Variants in CNIH3 observed in about 807,000 individuals in gnomAD.
The protein encoded by CNIH3 is cornichon family AMPA receptor auxiliary protein 3, also known as protein cornichon homolog 3.
In CNIH3, 14 loss-of-function variants were observed where a neutral mutation model predicts 24.1. That is an observed-to-expected ratio of 0.58 (90% CI 0.38 to 0.91). CNIH3 has a LOEUF of 0.91. Ranked by LOEUF, CNIH3 falls within the 40% of genes least tolerant of loss-of-function variation. CNIH3 has a pLI of 0.00. For synonymous variants in CNIH3, 68 were observed against 73.8 expected (o/e 0.92, Z 0.40); for missense variants, 178 against 196.8 (o/e 0.90, Z 0.57).
At chr1:224,663,601 A>G (rs1685463184) in intron 1 of CNIH3, among the ~76,000 whole-genome samples, 1 of 152,234 alleles carries the variant, frequency 6.6e-6, no homozygotes, top group Non-Finnish European at 1.5e-5. Context: ...AACAAGCCCC[A>G]AGAGTGTCCA....
At chr1:224,496,355 C>A (rs927694884) in intron 1 of CNIH3, among the ~76,000 whole-genome samples, 3 of 152,174 alleles carry the variant, frequency 2.0e-5, no homozygotes, top group African/African-American at 7.2e-5. Flanking sequence ...CAACTCCAGT[C>A]CATTCAGCTC....
chr1:224,476,931 G>T (rs549862566), intron 1 of CNIH3, among the ~76,000 whole-genome samples: 1 of 152,286 alleles, frequency 6.6e-6, no homozygotes, highest in East Asian at 1.9e-4. Context: ...GAGATGCGAG[G>T]TACAGGTTGC....
intron 5 of CNIH3, 147 bp from the exon 6 acceptor site, chr1:224,739,182 G>C: frequency 1.4e-6 from 2 of 1,413,160 alleles, no homozygotes; most frequent in Non-Finnish European, 9.4e-7. Flanking sequence ...TGGAGTTGGC[G>C]AGATGCTGTA....
chr1:224,685,931 CAT>C (rs1686632927), intron 3 of CNIH3, among the ~76,000 whole-genome samples: 3 of 151,822 alleles, frequency 2.0e-5, no homozygotes, highest in African/African-American at 2.4e-5. Context: ...AGGAAAATAA[CAT>C]AATATGAATT....
In CNIH3 at chr1:224,458,686, G is replaced by GT. The variant is rs1371344902; in HGVS notation, n.203+23825dup. Among the ~76,000 whole-genome samples, 1 of 152,158 alleles carries GT rather than the reference G, an allele frequency of 6.6e-6. No homozygotes were observed. The highest frequency in any genetic ancestry group is 2.4e-5 in the African/African-American group (1 of 41,426). On this transcript the variant is annotated intron_variant and non_coding_transcript_variant, in intron 1 of 5. Transcript: ENST00000471578. The surrounding 1 kb of genome is among the most constrained non-coding windows in gnomAD (Gnocchi z 4.3). The stretch of plus-strand genomic sequence containing the variant: ...TTGTTGAGACCTTACCACTTTTCAA[G>GT]TGTGTGTTCAGGAACAGCAAACTTT...
At chr1:224,522,534 G>T (rs1309477149) in intron 2 of CNIH3, among the ~76,000 whole-genome samples, 9 of 152,156 alleles carry the variant, frequency 5.9e-5, no homozygotes, top group Non-Finnish European at 1.3e-4. Context: ...CTCCTATCTG[G>T]AATACACAAA....
At chr1:224,589,284 C>T (rs1307669744), downstream of CNIH3, among the ~76,000 whole-genome samples, 3 of 152,188 alleles carry the variant, frequency 2.0e-5, no homozygotes, top group Non-Finnish European at 4.4e-5. Context: ...TTCCTGTCCT[C>T]ACTGTGACTA....
intron 3 of CNIH3, among the ~76,000 whole-genome samples, chr1:224,596,195 G>T (rs1681973978): frequency 6.6e-6 from 1 of 152,158 alleles, no homozygotes; most frequent in South Asian, 2.1e-4. Context: ...CTCTCATTAG[G>T]GGCTAATGCA....
chr1:224,639,793 A>T (rs1236786175), intron 1 of CNIH3, among the ~76,000 whole-genome samples: 3 of 152,144 alleles, frequency 2.0e-5, no homozygotes, highest in Non-Finnish European at 4.4e-5. Context: ...GCTGACCGCC[A>T]ATATTATACC....
chr1:224,503,098 C>G (rs1196474670), intron 1 of CNIH3, among the ~76,000 whole-genome samples: 1 of 151,974 alleles, frequency 6.6e-6, no homozygotes, highest in Non-Finnish European at 1.5e-5. Context: ...GACTTCTGCA[C>G]GGATGAAGTC....
At chr1:224,585,558 A>T (rs902742676) in intron 5 of CNIH3, among the ~76,000 whole-genome samples, 2 of 151,774 alleles carry the variant, frequency 1.3e-5, no homozygotes, top group Admixed American at 1.3e-4. Context: ...GGGTCACTGC[A>T]GTCTTGAACT....
In CNIH3 at chr1:224,574,929, C is replaced by A. The variant is rs1680972360; in HGVS notation, n.517-8235C>A. On this transcript the variant is annotated intron_variant and non_coding_transcript_variant, in intron 4 of 5. Transcript: ENST00000471578. Reference sequence around the variant, plus strand: ...AGCTATTGGCATCTCCAACTTCAACCATCTCCAGGTTGAGAGGATCTTAAA... The same window carrying A: ...AGCTATTGGCATCTCCAACTTCAACAATCTCCAGGTTGAGAGGATCTTAAA... 1.4e-5 allele frequency: 14 copies of A among 967,872 alleles called. 1 individual carries two copies. In the South Asian group the frequency reaches 1.8e-4, roughly 12 times the overall value. 60.0% of individuals were successfully genotyped at this position (967,872 alleles called of 1,614,324 possible). A position where few individuals can be genotyped will look rare whatever the true frequency, so the allele number is the denominator to read the frequency against.
At chr1:224,554,703 C>A (rs1275728589) in intron 3 of CNIH3, among the ~76,000 whole-genome samples, 1 of 151,948 alleles carries the variant, frequency 6.6e-6, no homozygotes, top group Non-Finnish European at 1.5e-5. Flanking sequence ...CCCACCTCAG[C>A]CTCTTGAGTA....
chr1:224,627,903 C>T (rs1441386010), intron 1 of CNIH3, among the ~76,000 whole-genome samples: 3 of 152,110 alleles, frequency 2.0e-5, no homozygotes, highest in African/African-American at 4.8e-5. Flanking sequence ...ACCTGAGTCT[C>T]AGAGGCCATT....
At chr1:224,581,067 A>G (rs560168533) in intron 4 of CNIH3, among the ~76,000 whole-genome samples, 1 of 152,308 alleles carries the variant, frequency 6.6e-6, no homozygotes, top group South Asian at 2.1e-4. Flanking sequence ...TTTAGGAACA[A>G]AAGAAAATGC....
At chr1:224,648,725 C>A (rs1320416348) in intron 1 of CNIH3, among the ~76,000 whole-genome samples, 1 of 152,092 alleles carries the variant, frequency 6.6e-6, no homozygotes, top group Non-Finnish European at 1.5e-5. Context: ...TAAGGAACAA[C>A]CTGTAAGGCC....
intron 4 of CNIH3, among the ~76,000 whole-genome samples, chr1:224,732,992 C>T (rs1689415336): frequency 6.6e-6 from 1 of 152,042 alleles, no homozygotes; most frequent in Non-Finnish European, 1.5e-5. Context: ...AAAACCAGAG[C>T]CCTTGTACAC....
At chr1:224,607,100 A>T (rs1280333199) in intron 3 of CNIH3, among the ~76,000 whole-genome samples, 1 of 152,270 alleles carries the variant, frequency 6.6e-6, no homozygotes, top group Non-Finnish European at 1.5e-5. Context: ...AGACAGTGCC[A>T]TCTTAGGTAT....
At chr1:224,576,374 G>A (rs140222731) in intron 4 of CNIH3, among the ~76,000 whole-genome samples, 10 of 152,286 alleles carry the variant, frequency 6.6e-5, no homozygotes, top group African/African-American at 2.4e-4. Context: ...AGCTTGATGG[G>A]AGTCCCCCTT....
Sources: gnomAD v4.1 joint callset for allele counts (sites outside exome capture counted in the v4.1 genomes callset) on GRCh38, gnomAD v4.1.1 for gene constraint, Gnocchi (gnomAD v3.1) non-coding constraint, MANE v1.5 for transcripts, NCBI Gene and HGNC (gene_info 2026-07-23, HGNC 2026-07-21) for gene names.